Variants in CTNNA3 observed in about 807,000 individuals in gnomAD.
CTNNA3 encodes the protein catenin alpha-3.
In CTNNA3, 76 loss-of-function variants were observed where a neutral mutation model predicts 95.7. The ratio of observed to expected loss-of-function variants is 0.79; its 90% CI spans 0.66 to 0.96. The LOEUF (loss-of-function observed/expected upper bound fraction) is 0.96. Among genes scored for constraint, CTNNA3 ranks in the 40% least tolerant of loss-of-function variants. The pLI, the probability that CTNNA3 is intolerant of heterozygous loss-of-function variation, is 0.00. For synonymous variants in CTNNA3, 431 were observed against 374.4 expected, an observed-to-expected ratio of 1.15 and a Z score of -1.74; for missense variants, 1,191 against 1,089.8, an observed-to-expected ratio of 1.09 and a Z score of -1.31.
intron 5 of CTNNA3, among the ~76,000 whole-genome samples, chr10:67,329,141 G>A (rs1841676677): frequency 1.3e-5 from 2 of 152,192 alleles, no homozygotes; most frequent in South Asian, 4.1e-4. Flanking sequence ...GGAGACCAAG[G>A]TGGGTGGACC....
chr10:65,974,354 T>C (rs1403940383), intron 16 of CTNNA3, among the ~76,000 whole-genome samples: 1 of 152,144 alleles, frequency 6.6e-6, no homozygotes, highest in Non-Finnish European at 1.5e-5. Flanking sequence ...TATCCACCAA[T>C]GGTGGATTGA....
intron 7 of CTNNA3, among the ~76,000 whole-genome samples, chr10:67,137,372 C>A (rs186398897): frequency 4.3e-4 from 65 of 152,194 alleles, no homozygotes; most frequent in African/African-American, 1.5e-3. Flanking sequence ...TTGAGCCTAT[C>A]ATGTTTTAAT....
chr10:66,064,332 C>T (rs564490349), intron 15 of CTNNA3, among the ~76,000 whole-genome samples: 6 of 152,158 alleles, frequency 3.9e-5, no homozygotes, highest in African/African-American at 9.6e-5. Context: ...AGATAAGATC[C>T]GGATGGGGAC....
chr10:65,953,207 C>T (rs1212407018), intron 17 of CTNNA3, among the ~76,000 whole-genome samples: 2 of 152,288 alleles, frequency 1.3e-5, no homozygotes, highest in Middle Eastern at 3.4e-3. Flanking sequence ...GATGAAGAAT[C>T]TGCTCCCTGA....
intron 1 of CTNNA3, among the ~76,000 whole-genome samples, chr10:67,671,128 T>A (rs564080312): frequency 2.0e-5 from 3 of 152,324 alleles, no homozygotes; most frequent in African/African-American, 7.2e-5. Flanking sequence ...CCAGCCTTCT[T>A]TGCAACTCAG....
intron 11 of CTNNA3, among the ~76,000 whole-genome samples, chr10:66,428,705 C>T (rs545096345): frequency 2.1e-4 from 32 of 152,090 alleles, no homozygotes; most frequent in Admixed American, 1.0e-3. Context: ...TTGAAACCAA[C>T]GAGAACAAAG....
At chr10:67,077,889 G>C (rs1381568089) in intron 7 of CTNNA3, among the ~76,000 whole-genome samples, 1 of 152,114 alleles carries the variant, frequency 6.6e-6, no homozygotes, top group East Asian at 1.9e-4. Context: ...TTTTTATCTA[G>C]ATTTCTAGAT....
chr10:67,590,168 A>T (rs1842749773), intron 3 of CTNNA3, among the ~76,000 whole-genome samples: 2 of 152,150 alleles, frequency 1.3e-5, no homozygotes, highest in African/African-American at 4.8e-5. Context: ...CAAGTATCAT[A>T]TACTACATTA....
chr10:67,077,153 G>A (rs1856786167), intron 7 of CTNNA3, among the ~76,000 whole-genome samples: 2 of 151,986 alleles, frequency 1.3e-5, no homozygotes, highest in South Asian at 4.2e-4. Flanking sequence ...GCCACTCCCT[G>A]CATCCACACT....
At chr10:66,042,630 C>A (rs958543176) in intron 15 of CTNNA3, among the ~76,000 whole-genome samples, 1 of 151,694 alleles carries the variant, frequency 6.6e-6, no homozygotes, top group Non-Finnish European at 1.5e-5. Context: ...CCAGGCGCAG[C>A]AGCTCATGCC....
intron 5 of CTNNA3, among the ~76,000 whole-genome samples, chr10:67,388,602 T>A (rs1457297328): frequency 6.8e-6 from 1 of 146,422 alleles, no homozygotes. Flanking sequence ...CCAAGACACA[T>A]AATTGTCAGA....
At chr10:66,128,573 C>T (rs188732320) in intron 13 of CTNNA3, among the ~76,000 whole-genome samples, 1 of 152,122 alleles carries the variant, frequency 6.6e-6, no homozygotes, top group East Asian at 1.9e-4. Context: ...CTGTATGATT[C>T]CAACTATATG....
rs796084894 is a variant in CTNNA3, at chr10:67,464,864, GA to G, written c.579+56977del. Among the ~76,000 whole-genome samples, 629 of 135,582 alleles carry G rather than the reference GA, an allele frequency of 4.6e-3. 3 individuals are homozygous for G. The highest frequency in any genetic ancestry group is 0.013 in the African/African-American group (482 of 37,726). 88.9% of individuals were successfully genotyped at this position (135,582 alleles called of 152,430 possible). A position where few individuals can be genotyped will look rare whatever the true frequency, so the allele number is the denominator to read the frequency against. On this transcript the variant is annotated intron_variant, in intron 5 of 17. Transcript: ENST00000433211. ...TCATCCTCTTCAAAACTGTAGGTAA[GA>G]AAAAAAAAAAAGAAAAAGAAAGTAC...
intron 5 of CTNNA3, among the ~76,000 whole-genome samples, chr10:67,420,027 T>A (rs1312598640): frequency 6.6e-6 from 1 of 152,194 alleles, no homozygotes; most frequent in African/African-American, 2.4e-5. Context: ...AATTTTTGTA[T>A]TTTTAATAGA....
chr10:65,975,749 T>C (rs1351267484), intron 16 of CTNNA3, among the ~76,000 whole-genome samples: 3 of 152,164 alleles, frequency 2.0e-5, no homozygotes, highest in African/African-American at 2.4e-5. Context: ...ATTTGCAAAG[T>C]AAGTTTCAGA....
chr10:67,038,018 C>T (rs572260756), intron 7 of CTNNA3, among the ~76,000 whole-genome samples: 44 of 152,048 alleles, frequency 2.9e-4, no homozygotes, highest in African/African-American at 8.9e-4. Context: ...CCATAGGAGA[C>T]GAGAGATTTT....
chr10:67,009,682 T>C (rs888801115), intron 7 of CTNNA3, among the ~76,000 whole-genome samples: 1 of 152,180 alleles, frequency 6.6e-6, no homozygotes, highest in Non-Finnish European at 1.5e-5. Context: ...TTAGTCTCCT[T>C]TCTATTTGAT....
At chr10:66,370,369 T>G in intron 12 of CTNNA3, among the ~76,000 whole-genome samples, 1 of 152,190 alleles carries the variant, frequency 6.6e-6, no homozygotes, top group East Asian at 1.9e-4. Flanking sequence ...ATAAATCTGA[T>G]TTTTGAGATG....
At chr10:66,778,446 T>C (rs1046348394) in intron 7 of CTNNA3, among the ~76,000 whole-genome samples, 7 of 152,092 alleles carry the variant, frequency 4.6e-5, no homozygotes, top group African/African-American at 1.7e-4. Flanking sequence ...AAAACACAAC[T>C]GCAGATAACA....
Sources: gnomAD v4.1 joint callset for allele counts (sites outside exome capture counted in the v4.1 genomes callset) on GRCh38, gnomAD v4.1.1 for gene constraint, MANE v1.5 for transcripts, NCBI Gene and HGNC (gene_info 2026-07-23, HGNC 2026-07-21) for gene names.